The following CHN2 variants were observed in gnomAD, a reference collection of about 807,000 sequenced individuals.
CHN2 encodes the protein chimerin 2, also known as beta-chimaerin.
In CHN2, 35 loss-of-function variants were observed where a neutral mutation model predicts 56.3. The observed-to-expected ratio is 0.62, with a 90% CI of 0.47 to 0.82. The LOEUF is 0.82. CHN2 is among the 40% of genes least tolerant of loss of function. The pLI, the probability that CHN2 is intolerant of heterozygous loss-of-function variation, is 0.00. For missense variants in CHN2, 491 were observed against 580.5 expected, an observed-to-expected ratio of 0.85 and a Z score of 1.58; for synonymous variants, 210 against 212.8, an observed-to-expected ratio of 0.99 and a Z score of 0.12.
At chr7:29,330,140 C>A (rs2128902914) in intron 1 of CHN2, among the ~76,000 whole-genome samples, 1 of 152,330 alleles carries the variant, frequency 6.6e-6, no homozygotes, top group East Asian at 1.9e-4. Flanking sequence ...ACTGATGTAA[C>A]CCATTTCTTA....
intron 8 of CHN2, among the ~76,000 whole-genome samples, chr7:29,496,668 A>T (rs1789329655): frequency 6.6e-6 from 1 of 152,242 alleles, no homozygotes; most frequent in Non-Finnish European, 1.5e-5. Context: ...TTGATTTGAT[A>T]TCACATATTT....
intron 6 of CHN2, among the ~76,000 whole-genome samples, chr7:29,476,050 A>G (rs1786561585): frequency 6.6e-6 from 1 of 152,186 alleles, no homozygotes; most frequent in Admixed American, 6.5e-5. Flanking sequence ...AGTGTAGTAG[A>G]AGGAAAGACA....
intron 1 of CHN2, among the ~76,000 whole-genome samples, chr7:29,335,454 T>C (rs1239075305): frequency 1.3e-5 from 2 of 152,228 alleles, no homozygotes; most frequent in Admixed American, 6.5e-5. Context: ...TCTCAGTAAG[T>C]GCTTCTTCAG....
intron 6 of CHN2, among the ~76,000 whole-genome samples, chr7:29,409,880 G>A (rs1803039115): frequency 6.6e-6 from 1 of 152,162 alleles, no homozygotes; most frequent in Non-Finnish European, 1.5e-5. Flanking sequence ...GAGAGGAATT[G>A]TCCCACCACT....
At chr7:29,394,148 C>G (rs965731704) in intron 4 of CHN2, among the ~76,000 whole-genome samples, 1 of 152,162 alleles carries the variant, frequency 6.6e-6, no homozygotes, top group Non-Finnish European at 1.5e-5. Context: ...TCTCTGCAGT[C>G]TCATAAAACC....
At chr7:29,174,123 G>C (rs1043125587) in intron 2 of CHN2, among the ~76,000 whole-genome samples, 2 of 152,062 alleles carry the variant, frequency 1.3e-5, no homozygotes, top group Admixed American at 1.3e-4. Context: ...AGGGCAAAAG[G>C]CTGGAGAGAC....
intron 1 of CHN2, among the ~76,000 whole-genome samples, chr7:29,319,117 A>G (rs1562914716): frequency 6.6e-6 from 1 of 152,246 alleles, no homozygotes; most frequent in Admixed American, 6.5e-5. Flanking sequence ...GGTTTCGTGC[A>G]TAAACATGCA....
chr7:29,202,748 A>G (rs1784253141), intron 1 of CHN2, among the ~76,000 whole-genome samples: 1 of 152,178 alleles, frequency 6.6e-6, no homozygotes, highest in Non-Finnish European at 1.5e-5. Flanking sequence ...CTGGCTGGGT[A>G]TTGTCCTTTT....
At chr7:29,319,183 G>A (rs989738294) in intron 1 of CHN2, among the ~76,000 whole-genome samples, 1 of 152,160 alleles carries the variant, frequency 6.6e-6, no homozygotes, top group East Asian at 1.9e-4. Flanking sequence ...AAACTCTTAT[G>A]TACTTCTTGG....
chr7:29,419,918 G>A (rs954488119), intron 6 of CHN2, among the ~76,000 whole-genome samples: 4 of 152,090 alleles, frequency 2.6e-5, no homozygotes, highest in African/African-American at 9.7e-5. Flanking sequence ...AAATTAGCCA[G>A]GCATGGTGGC....
chr7:29,305,327 C>T (rs577461246), intron 1 of CHN2, among the ~76,000 whole-genome samples: 5 of 152,088 alleles, frequency 3.3e-5, no homozygotes, highest in East Asian at 1.9e-4. Context: ...AACCCCATTA[C>T]GTATGAATAA....
chr7:29,272,746 C>A (rs1790766439), intron 1 of CHN2, among the ~76,000 whole-genome samples: 1 of 152,088 alleles, frequency 6.6e-6, no homozygotes, highest in Admixed American at 6.5e-5. Flanking sequence ...AATGATTTGT[C>A]AATTTACTTC....
intron 7 of CHN2, among the ~76,000 whole-genome samples, chr7:29,482,290 G>A (rs1787335424): frequency 6.6e-6 from 1 of 152,166 alleles, no homozygotes; most frequent in Non-Finnish European, 1.5e-5. Context: ...CAGACCTCAA[G>A]TAGCTGTGAC....
At chr7:29,310,457 T>G (rs1794514171) in intron 1 of CHN2, among the ~76,000 whole-genome samples, 1 of 152,244 alleles carries the variant, frequency 6.6e-6, no homozygotes, top group South Asian at 2.1e-4. Context: ...ACGGGATGCT[T>G]AGTTCAGTAA....
chr7:29,412,156 A>G (rs1803275529), intron 6 of CHN2, among the ~76,000 whole-genome samples: 1 of 152,164 alleles, frequency 6.6e-6, no homozygotes, highest in South Asian at 2.1e-4. Flanking sequence ...TGAAATGGGT[A>G]GGAATGTAGC....
intron 1 of CHN2, chr7:29,335,858 G>A (rs923126719): frequency 2.0e-5 from 3 of 152,220 alleles, no homozygotes; most frequent in African/African-American, 7.2e-5. Flanking sequence ...CTTTAATAGT[G>A]GTCACCCAGT....
At chr7:29,457,557 G>A (rs940675199) in intron 6 of CHN2, among the ~76,000 whole-genome samples, 1 of 152,116 alleles carries the variant, frequency 6.6e-6, no homozygotes, top group African/African-American at 2.4e-5. Context: ...TACTCATTAA[G>A]TTACTATAAT....
chr7:29,456,848 G>A (rs1053880968), intron 6 of CHN2, among the ~76,000 whole-genome samples: 2 of 151,984 alleles, frequency 1.3e-5, no homozygotes, highest in Non-Finnish European at 2.9e-5. Flanking sequence ...CCTGGGCTGG[G>A]GAGGGCACGC....
At chr7:29,498,505 A>G (rs1257143303) in intron 8 of CHN2, among the ~76,000 whole-genome samples, 1 of 152,232 alleles carries the variant, frequency 6.6e-6, no homozygotes, top group Non-Finnish European at 1.5e-5. Flanking sequence ...AATAAAAATT[A>G]CATGAAAATC....
Sources: allele counts gnomAD v4.1 joint callset (sites outside exome capture counted in the v4.1 genomes callset), GRCh38; gene constraint gnomAD v4.1.1; transcripts MANE v1.5; gene names NCBI Gene and HGNC (gene_info 2026-07-23, HGNC 2026-07-21).